The following CYRIA variants were observed in gnomAD, a reference collection of about 807,000 sequenced individuals.
CYRIA encodes the protein CYFIP-related Rac1 interactor A.
Under a neutral mutation model 43.9 loss-of-function variants are expected in CYRIA, and 15 were observed. That is an observed-to-expected ratio of 0.34 (90% CI 0.23 to 0.53). The LOEUF is 0.53. Among genes scored for constraint, CYRIA ranks in the 20% least tolerant of loss-of-function variants. The pLI, the probability that CYRIA is intolerant of heterozygous loss-of-function variation, is 0.94. For missense variants in CYRIA, 236 were observed against 394.2 expected (o/e 0.60, Z 3.40); for synonymous variants, 117 against 136.0 (o/e 0.86, Z 0.97).
intron 1 of CYRIA, among the ~76,000 whole-genome samples, chr2:16,636,842 G>A (rs1669510899): frequency 6.6e-6 from 1 of 152,118 alleles, no homozygotes; most frequent in Non-Finnish European, 1.5e-5. Flanking sequence ...TGGGCATGGT[G>A]GCATGCGCCT....
intron 4 of CYRIA, among the ~76,000 whole-genome samples, chr2:16,565,312 T>C (rs1666887638): frequency 6.6e-6 from 1 of 152,054 alleles, no homozygotes; most frequent in Non-Finnish European, 1.5e-5. Flanking sequence ...CCTCCCAAAG[T>C]AGCAGGGATT....
Position 16,647,948 on chromosome 2 carries a change from G to A in CYRIA, c.-167+17832C>T, listed in dbSNP as rs961339485. On this transcript the variant is annotated intron_variant, in intron 1 of 11. Transcript: ENST00000381323. ...ACCACTACAGTAGTTTGAGGCCCACGGCCCTGTCCAACCAGGATGCTCATC... is the reference window on the plus strand; with the variant it reads ...ACCACTACAGTAGTTTGAGGCCCACAGCCCTGTCCAACCAGGATGCTCATC... 5.9e-4 allele frequency among the ~76,000 whole-genome samples: 89 copies of A among 152,116 alleles called. 4 individuals carry two copies. The highest frequency in any genetic ancestry group is 3.9e-4 in the African/African-American group (16 of 41,408).
rs145368653 is a variant in CYRIA at position 16,582,486 on chromosome 2, G to A, written c.70+5564C>T. Among the ~76,000 whole-genome samples, 6 of 152,200 alleles carry A rather than the reference G, an allele frequency of 3.9e-5. No individual in the cohort carries two copies. The East Asian group carries it at 5.8e-4, about 15-fold the overall frequency. On this transcript the variant is annotated intron_variant, in intron 3 of 11. Transcript: ENST00000381323. The stretch of plus-strand genomic sequence containing the variant: ...ATTTTCATTAACACCCCAAAAAGAC[G>A]TTGTGCCCATTAGCAGCCACTCCTC...
chr2:16,583,039 G>A (rs1365156472), intron 3 of CYRIA, among the ~76,000 whole-genome samples: 2 of 151,906 alleles, frequency 1.3e-5, no homozygotes, highest in African/African-American at 4.8e-5. Flanking sequence ...CTCTCTTTTT[G>A]ATTAGAACAG....
rs768667882 is a variant in CYRIA at position 16,563,938 on chromosome 2, T to G, written c.298+51A>C. The stretch of plus-strand genomic sequence containing the variant: ...GCTGTTCCCACTACCTACTCAAACA[T>G]CAAAACAGAACTCCGTATGTGGGCC... On this transcript the variant is annotated intron_variant, in intron 5 of 11. Coordinates refer to ENST00000381323, the MANE Select transcript of CYRIA (RefSeq NM_030797.4). The G allele has an allele frequency of 2.9e-6, 4 of 1,398,248 alleles. No homozygotes were observed. The Admixed American group carries it at 7.3e-5, about 26-fold the overall frequency. 86.6% of individuals were successfully genotyped at this position (1,398,248 alleles called of 1,614,324 possible). A position where few individuals can be genotyped will look rare whatever the true frequency, so the allele number is the denominator to read the frequency against.
At chr2:16,568,244 A>C (rs928386786) in intron 3 of CYRIA, among the ~76,000 whole-genome samples, 13 of 151,640 alleles carry the variant, frequency 8.6e-5, no homozygotes, top group Admixed American at 7.9e-4. Context: ...AAAAAAAAAA[A>C]AAAAACCCAA....
chr2:16,656,012 T>C (rs1485068972), intron 1 of CYRIA, among the ~76,000 whole-genome samples: 1 of 152,186 alleles, frequency 6.6e-6, no homozygotes, highest in Non-Finnish European at 1.5e-5. Context: ...AAAAGGTCCC[T>C]TGGCTTGCAG....
At chr2:16,553,860 A>C (rs1021046733) in intron 11 of CYRIA, among the ~76,000 whole-genome samples, 1 of 152,036 alleles carries the variant, frequency 6.6e-6, no homozygotes, top group Non-Finnish European at 1.5e-5. Context: ...AGCTCAACAC[A>C]CTCAGAAGTT....
chr2:16,653,041 C>T (rs1670015618), intron 1 of CYRIA, among the ~76,000 whole-genome samples: 1 of 152,232 alleles, frequency 6.6e-6, no homozygotes, highest in Admixed American at 6.5e-5. Flanking sequence ...AAGCTGGGCT[C>T]TCTTTCTATC....
At chr2:16,606,168 A>C (rs1668389648) in intron 2 of CYRIA, among the ~76,000 whole-genome samples, 1 of 151,846 alleles carries the variant, frequency 6.6e-6, no homozygotes, top group African/African-American at 2.4e-5. Context: ...AGGCCATAGA[A>C]ACCTCACTTT....
Position 16,617,811 on chromosome 2 carries a change from T to A in CYRIA, c.-11+6053A>T, listed in dbSNP as rs140565662. ...CAGCCCTCAAGGACTCTTTTGGGAG[T>A]TGGGTATCTTAAAGACAAGTTCAGA... On this transcript the variant is annotated intron_variant, in intron 2 of 11. Transcript: ENST00000381323. Among the ~76,000 whole-genome samples, 509 of 152,064 alleles carry A rather than the reference T, an allele frequency of 3.3e-3. 1 individual carries two copies. Among genetic ancestry groups the A allele is most frequent in the African/African-American group, 0.012 (492 of 41,466 alleles).
chr2:16,565,529 C>G (rs1369078421), intron 4 of CYRIA, 117 bp downstream of exon 4: 2 of 1,241,898 alleles, frequency 1.6e-6, no homozygotes, highest in Non-Finnish European at 2.1e-6. Flanking sequence ...CTTGTTCTTC[C>G]TGGTACTCTA....
intron 1 of CYRIA, among the ~76,000 whole-genome samples, chr2:16,637,094 T>A (rs1422820620): frequency 6.6e-6 from 1 of 152,068 alleles, no homozygotes; most frequent in East Asian, 1.9e-4. Flanking sequence ...CACATCCACA[T>A]CCCAGCACAG....
chr2:16,605,138 A>G (rs201914409), intron 2 of CYRIA, among the ~76,000 whole-genome samples: 7 of 143,650 alleles, frequency 4.9e-5, no homozygotes, highest in Non-Finnish European at 1.1e-4. Flanking sequence ...AAAAAAAAAA[A>G]CCACGAAACC....
At chr2:16,559,219 A>C (rs766460202) in intron 10 of CYRIA, among the ~76,000 whole-genome samples, 3 of 152,172 alleles carry the variant, frequency 2.0e-5, no homozygotes, top group Non-Finnish European at 4.4e-5. Flanking sequence ...GCTCAGCTCC[A>C]TTAGAGACTG....
chr2:16,586,853 G>A (rs1667746155), intron 3 of CYRIA, among the ~76,000 whole-genome samples: 1 of 151,974 alleles, frequency 6.6e-6, no homozygotes. Flanking sequence ...GGTGATTAGT[G>A]GGAAAAAAGA....
At chr2:16,575,621 C>T (rs573932757) in intron 3 of CYRIA, among the ~76,000 whole-genome samples, 198 of 151,984 alleles carry the variant, frequency 1.3e-3, no homozygotes, top group African/African-American at 4.2e-3. Context: ...TTTGGGAGGC[C>T]GAGGCGGGCG....
chr2:16,577,644 A>G (rs1667396925), intron 3 of CYRIA, among the ~76,000 whole-genome samples: 2 of 152,190 alleles, frequency 1.3e-5, no homozygotes, highest in Non-Finnish European at 2.9e-5. Flanking sequence ...ATCTTCACAC[A>G]CTGTAAAAAG....
intron 1 of CYRIA, among the ~76,000 whole-genome samples, chr2:16,659,063 C>CCTGGT (rs1670184530): frequency 2.0e-5 from 3 of 152,204 alleles, no homozygotes; most frequent in Non-Finnish European, 4.4e-5. Context: ...CCCTGAAGGA[C>CCTGGT]GTCAGCCAAA....
Sources: gnomAD v4.1 joint callset for allele counts (sites outside exome capture counted in the v4.1 genomes callset) on GRCh38, gnomAD v4.1.1 for gene constraint, MANE v1.5 for transcripts, NCBI Gene and HGNC (gene_info 2026-07-23, HGNC 2026-07-21) for gene names.